Variants in LPAR4 observed in about 807,000 individuals in gnomAD.
The protein encoded by LPAR4 is G-protein coupled receptor 23.
A neutral mutation model predicts 9.2 loss-of-function variants in LPAR4; 14 were observed. That is an observed-to-expected ratio of 1.51 (90% CI 1.00 to 2.37). The LOEUF (loss-of-function observed/expected upper bound fraction) is 2.37, where lower values mean the gene tolerates loss of function less well. Ranked by LOEUF, LPAR4 falls within the 30% of genes most tolerant of loss-of-function variation. The pLI, the probability that LPAR4 is intolerant of heterozygous loss-of-function variation, is 0.00. For synonymous variants in LPAR4, 131 were observed against 97.9 expected, an observed-to-expected ratio of 1.34 and a Z score of -1.99; for missense variants, 251 against 272.1, an observed-to-expected ratio of 0.92 and a Z score of 0.55.
rs1237872774 is a variant in LPAR4, at chrX:78,752,973, A to C, written c.-80+1662A>C. Among the ~76,000 whole-genome samples, 4 of 111,492 alleles carry C rather than the reference A, an allele frequency of 3.6e-5. 1 individual carries two copies. In the Admixed American group the frequency reaches 3.8e-4, roughly 11 times the overall value. ...AGAGGAAACAATTGTGGCCACTCTG[A>C]ATTAGCTCCAGGTGTAGATTGAAGT... On this transcript the variant is annotated intron_variant, in intron 4 of 4. Coordinates refer to ENST00000614823, the MANE Select transcript of LPAR4 (RefSeq NM_001278000.3).
intron 4 of LPAR4, among the ~76,000 whole-genome samples, chrX:78,752,773 G>A (rs1925125580): frequency 9.0e-6 from 1 of 111,684 alleles, no homozygotes; most frequent in African/African-American, 3.3e-5. Flanking sequence ...ATTTATGCCA[G>A]AAGTTGGAGC....
intron 4 of LPAR4, among the ~76,000 whole-genome samples, chrX:78,752,719 T>A (rs929387009): frequency 9.0e-6 from 1 of 111,499 alleles, no homozygotes. Context: ...GACTGTCCTC[T>A]GTAGGGAGCA....
intron 1 of LPAR4, among the ~76,000 whole-genome samples, chrX:78,748,458 T>A (rs1288983496): frequency 8.9e-6 from 1 of 112,078 alleles, no homozygotes; most frequent in Non-Finnish European, 1.9e-5. Flanking sequence ...TTATGGAGAA[T>A]GTGACATTTG....
intron 4 of LPAR4, among the ~76,000 whole-genome samples, chrX:78,754,318 C>G (rs1272891045): frequency 1.8e-5 from 2 of 111,621 alleles, no homozygotes; most frequent in Admixed American, 9.5e-5. Flanking sequence ...TAGAATCATG[C>G]TGTGTAAAAG....
chrX:78,758,624 A>G lies in LPAR4; in HGVS notation c.*2642A>G, dbSNP rs1019654202. 8.9e-6 allele frequency among the ~76,000 whole-genome samples: 1 copy of G among 111,787 alleles called. No homozygotes were observed. The highest frequency in any genetic ancestry group is 1.9e-5 in the Non-Finnish European group (1 of 53,048). The stretch of plus-strand genomic sequence containing the variant: ...AGTATAACTAAATATAAAAGTGACT[A>G]TGTTACATCGAAAGGAAAAGCAATT... On this transcript the variant is annotated 3_prime_UTR_variant, in exon 5 of 5. Coordinates refer to ENST00000614823, the MANE Select transcript of LPAR4 (RefSeq NM_001278000.3).
Position 78,747,813 on chromosome X carries a change from A to G in LPAR4, c.-516A>G, listed in dbSNP as rs1304228175. 9.5e-6 allele frequency: 1 copy of G among 105,382 alleles called. No individual in the cohort carries two copies. Among genetic ancestry groups the G allele is most frequent in the Non-Finnish European group, 1.9e-5 (1 of 51,532 alleles). The allele number at this position is 105,382 out of a possible 1,213,427, so 8.7% of individuals were successfully genotyped here. On this transcript the variant is annotated 5_prime_UTR_variant, in exon 1 of 5. Transcript: ENST00000614823. ...GAAAGAGATAAATGTAAATAAGCTC[A>G]CATTTACAGAATGAGCGGTTTGCAG...
At chrX:78,749,344 G>A (rs2079855792) in intron 1 of LPAR4, 1 of 111,725 alleles carries the variant, frequency 9.0e-6, no homozygotes, top group South Asian at 3.7e-4. Context: ...ATGTGTTTGC[G>A]AATATTAGTA....
rs374663346 is a variant in LPAR4 at position 78,755,522 on chromosome X, T to C, written c.653T>C (p.Ile218Thr). The C allele has an allele frequency of 8.3e-6, 10 of 1,205,083 alleles. No homozygotes were observed. The African/African-American group carries it at 1.6e-4, about 19-fold the overall frequency. The change falls in exon 5 of 5, where the codon ATA (isoleucine) becomes ACA (threonine). Residue 218 changes from isoleucine (I) to threonine (T), a missense_variant. Physicochemically the swap from Ile to Thr is moderately conservative, Grantham distance 89. Coordinates refer to ENST00000614823, the MANE Select transcript of LPAR4 (RefSeq NM_001278000.3). ...GTTGTTGGGTTTATCATTCCTCTAATATTGAATGTCTCTTGCTCTTCTGTG... is the reference window on the plus strand; with the variant it reads ...GTTGTTGGGTTTATCATTCCTCTAACATTGAATGTCTCTTGCTCTTCTGTG... ...IEVVGFIIPL[I>T]LNVSCSSVVL... is the part of the protein sequence containing the mutation.
chrX:78,755,275 C>T lies in LPAR4; in HGVS notation c.406C>T (p.Arg136Cys), dbSNP rs267606517. Residue 136 changes from arginine (R) to cysteine (C), a missense_variant, in exon 5 of 5, where the codon CGT (arginine) becomes TGT (cysteine). Physicochemically the swap from Arg to Cys is radical, Grantham distance 180 (BLOSUM62 -3). Coordinates refer to ENST00000614823, the MANE Select transcript of LPAR4 (RefSeq NM_001278000.3). ...MLFLTCISVD[R>C]FLAIVYPFRS... ...CTTTCTCACCTGTATTAGTGTGGAT[C>T]GTTTCCTGGCCATTGTCTATCCTTT... The T allele has an allele frequency of 5.0e-6, 6 of 1,207,599 alleles. No individual in the cohort carries two copies. The highest frequency in any genetic ancestry group is 6.7e-6 in the Non-Finnish European group (6 of 893,794).
rs958610843 is a variant in LPAR4 at position 78,747,769 on chromosome X, A to AG, written c.-557dup. On this transcript the variant is annotated 5_prime_UTR_variant, in exon 1 of 5. The change abolishes the stop of an existing upstream ORF in the 5' untranslated region. Coordinates refer to ENST00000614823, the MANE Select transcript of LPAR4 (RefSeq NM_001278000.3). ...GCATGCGGGCTACAGCATTCAAGAG[A>AG]GGGAGTCGTTAACAAAGGGAAAGAG... 1 of 108,789 alleles carries AG rather than the reference A, an allele frequency of 9.2e-6. No homozygotes were observed. The highest frequency in any genetic ancestry group is 1.9e-5 in the Non-Finnish European group (1 of 52,448). 9.0% of individuals were successfully genotyped at this position (108,789 alleles called of 1,213,427 possible).
rs1273258579 is a variant in LPAR4 at position 78,755,311 on chromosome X, A to T, written c.442A>T (p.Thr148Ser). 1 of 1,208,438 alleles carries T rather than the reference A, an allele frequency of 8.3e-7. No homozygotes were observed. Among genetic ancestry groups the T allele is most frequent in the East Asian group, 3.0e-5 (1 of 33,766 alleles). ...LAIVYPFRSR[T>S]IRTRRNSAIV... ...CATTGTCTATCCTTTTCGATCTCGT[A>T]CTATTAGGACTAGGAGGAATTCTGC... The change falls in exon 5 of 5, where the codon ACT becomes TCT. Residue 148 changes from threonine (T) to serine (S), a missense_variant. By Grantham distance (58) the Thr-to-Ser change is moderately conservative (BLOSUM62 1). Coordinates refer to ENST00000614823, the MANE Select transcript of LPAR4 (RefSeq NM_001278000.3).
intron 3 of LPAR4, 63 bp from the exon 4 acceptor site, chrX:78,751,147 A>T (rs1024319823): frequency 9.0e-6 from 1 of 111,459 alleles, no homozygotes; most frequent in Admixed American, 9.5e-5. Context: ...GAAAATATAC[A>T]TTTTATTGAA....
chrX:78,755,323 A>C lies in LPAR4; in HGVS notation c.454A>C (p.Arg152=), dbSNP rs769838353. The part of the protein sequence containing the change: ...YPFRSRTIRT[R]RNSAIVCAGV... ...TTTTCGATCTCGTACTATTAGGACTAGGAGGAATTCTGCCATTGTGTGTGC... is the reference window on the plus strand; with the variant it reads ...TTTTCGATCTCGTACTATTAGGACTCGGAGGAATTCTGCCATTGTGTGTGC... Residue 152 remains arginine, a synonymous_variant, in exon 5 of 5, where the codon AGG becomes CGG. Transcript: ENST00000614823. 1 of 1,207,659 alleles carries C rather than the reference A, an allele frequency of 8.3e-7. No individual in the cohort carries two copies. The highest frequency in any genetic ancestry group is 1.8e-5 in the African/African-American group (1 of 56,737).
chrX:78,755,174 G>A lies in LPAR4; in HGVS notation c.305G>A (p.Arg102His), dbSNP rs765959103. 7.4e-6 allele frequency: 9 copies of A among 1,209,701 alleles called. No homozygotes were observed. The highest frequency in any genetic ancestry group is 1.0e-5 in the Non-Finnish European group (9 of 893,915). Residue 102 changes from arginine to histidine, a missense_variant, in exon 5 of 5, where the codon CGC becomes CAC. Arg to His is a conservative substitution (Grantham distance 29). Transcript: ENST00000614823. Reference protein sequence around the residue: ...LPFKIFYNFNRHWPFGDTLCK... With the variant: ...LPFKIFYNFNHHWPFGDTLCK... ...TTTAAAATATTTTACAACTTCAACC[G>A]CCACTGGCCTTTTGGTGACACCCTC...
At chrX:78,749,545 G>T (rs759416408) in intron 1 of LPAR4, among the ~76,000 whole-genome samples, 141 of 111,268 alleles carry the variant, frequency 1.3e-3, no homozygotes, top group Non-Finnish European at 1.8e-3. Context: ...GGTGGGAAGG[G>T]TTGAGGGTTG....
chrX:78,753,603 G>A (rs916772086), intron 4 of LPAR4, among the ~76,000 whole-genome samples: 4 of 112,069 alleles, frequency 3.6e-5, no homozygotes, highest in African/African-American at 1.3e-4. Flanking sequence ...GTTTCAGGAA[G>A]GGAGGAAGAA....
intron 1 of LPAR4, among the ~76,000 whole-genome samples, chrX:78,749,462 A>G (rs906126029): frequency 9.0e-5 from 10 of 111,626 alleles, no homozygotes; most frequent in Non-Finnish European, 1.5e-4. Flanking sequence ...AAATGATCTA[A>G]TGATTCTACA....
Position 78,755,479 on chromosome X carries a change from A to G in LPAR4, c.610A>G (p.Ile204Val). ...TGTCTGGAAGACTTATTTATCCAAG[A>G]TCACAATATTTATTGAAGTTGTTGG... ...KRVWKTYLSK[I>V]TIFIEVVGFI... is the part of the protein sequence containing the mutation. Residue 204 changes from isoleucine (I) to valine (V), a missense_variant, in exon 5 of 5, where the codon ATC becomes GTC. Coordinates refer to ENST00000614823, the MANE Select transcript of LPAR4 (RefSeq NM_001278000.3). 8.3e-7 allele frequency: 1 copy of G among 1,210,140 alleles called. No individual in the cohort carries two copies. Among genetic ancestry groups the G allele is most frequent in the Non-Finnish European group, 1.1e-6 (1 of 894,452 alleles).
rs758999147 is a variant in LPAR4 at position 78,755,211 on chromosome X, T to C, written c.342T>C (p.Ser114=). 9 of 1,211,112 alleles carry C rather than the reference T, an allele frequency of 7.4e-6. No homozygotes were observed. The South Asian group carries it at 1.6e-4, about 21-fold the overall frequency. Reference sequence around the variant, plus strand: ...TTGGTGACACCCTCTGCAAGATCTCTGGAACTGCATTCCTTACCAACATCT... The same window carrying C: ...TTGGTGACACCCTCTGCAAGATCTCCGGAACTGCATTCCTTACCAACATCT... ...WPFGDTLCKI[S]GTAFLTNIYG... The change falls in exon 5 of 5, where the codon TCT becomes TCC. Residue 114 remains serine, a synonymous_variant. Coordinates refer to ENST00000614823, the MANE Select transcript of LPAR4 (RefSeq NM_001278000.3).
Sources: gnomAD v4.1 joint callset for allele counts (sites outside exome capture counted in the v4.1 genomes callset) on GRCh38, gnomAD v4.1.1 for gene constraint, MANE v1.5 for transcripts, NCBI Gene and HGNC (gene_info 2026-07-23, HGNC 2026-07-21) for gene names.